The following PITPNA variants were observed in gnomAD, a reference collection of about 807,000 sequenced individuals.
PITPNA encodes phosphatidylinositol transfer protein alpha isoform.
Under a neutral mutation model 50.3 loss-of-function variants are expected in PITPNA, and 13 were observed. The observed-to-expected ratio is 0.26, with a 90% confidence interval of 0.17 to 0.41. The LOEUF is 0.41. Among genes scored for constraint, PITPNA ranks in the 10% least tolerant of loss-of-function variants. The probability of loss-of-function intolerance (pLI) is 1.00; values close to 1 mark genes in which losing one functional copy is unlikely to be tolerated. For missense variants in PITPNA, 207 were observed against 333.4 expected, an observed-to-expected ratio of 0.62 and a Z score of 2.95; for synonymous variants, 120 against 119.6, an observed-to-expected ratio of 1.00 and a Z score of -0.02.
At chr17:1,531,542 A>C (rs1052175199) in intron 10 of PITPNA, among the ~76,000 whole-genome samples, 14 of 152,078 alleles carry the variant, frequency 9.2e-5, no homozygotes, top group Non-Finnish European at 2.1e-4. Context: ...AAAAAAAATA[A>C]ATAAATAAGA....
chr17:1,538,834 C>T, intron 7 of PITPNA, 35 bp downstream of exon 7: 1 of 1,401,924 alleles, frequency 7.1e-7, no homozygotes, highest in Non-Finnish European at 1.0e-6. Flanking sequence ...ATTTCTGCGT[C>T]TCGAAGGCCA....
intron 10 of PITPNA, among the ~76,000 whole-genome samples, chr17:1,532,640 C>A (rs1179068910): frequency 6.6e-6 from 1 of 152,216 alleles, no homozygotes; most frequent in Non-Finnish European, 1.5e-5. Flanking sequence ...ATGAAAGTCT[C>A]CATGTTTCCT....
At chr17:1,560,270 AAGGACAGGGCCAC>A (rs1484407408) in intron 1 of PITPNA, among the ~76,000 whole-genome samples, 16 of 152,194 alleles carry the variant, frequency 1.1e-4, no homozygotes, top group African/African-American at 3.9e-4. Context: ...TACAATTCCA[AAGGACAGGGCCAC>A]AGAGGAACTG....
chr17:1,547,603 T>C (rs888504987), intron 4 of PITPNA, among the ~76,000 whole-genome samples: 5 of 152,048 alleles, frequency 3.3e-5, no homozygotes, highest in Non-Finnish European at 5.9e-5. Context: ...TGAGCCAAGA[T>C]TGTGCCATTG....
Position 1,520,118 on chromosome 17 carries a change from G to C in PITPNA, c.*443C>G, listed in dbSNP as rs11544976. The C allele has an allele frequency of 6.6e-6, 1 of 152,136 alleles. No homozygotes were observed. Among genetic ancestry groups the C allele is most frequent in the African/African-American group, 2.4e-5 (1 of 41,444 alleles). The allele number at this position is 152,136 out of a possible 1,614,324, so 9.4% of individuals were successfully genotyped here. A position where few individuals can be genotyped will look rare whatever the true frequency, so the allele number is the denominator to read the frequency against. ...TCCCCACAGGAGCACTCAAAATTGC[G>C]AAGATCTTCCCAGGAAGCAAAATAC... On this transcript the variant is annotated 3_prime_UTR_variant, in exon 12 of 12. Transcript: ENST00000313486.
Position 1,541,590 on chromosome 17 carries a change from T to G in PITPNA, c.348A>C (p.Lys116Asn). 5 of 1,613,482 alleles carry G rather than the reference T, an allele frequency of 3.1e-6. No homozygotes were observed. Among genetic ancestry groups the G allele is most frequent in the Non-Finnish European group, 4.2e-6 (5 of 1,179,498 alleles). The change falls in exon 6 of 12, where the codon AAA (lysine) becomes AAC (asparagine). Residue 116 changes from lysine to asparagine, a missense_variant. Lys to Asn is a moderately conservative substitution (Grantham distance 94). Transcript: ENST00000313486. Reference protein sequence around the residue: ...DFLIKIETWHKPDLGTQENVH... With the variant: ...DFLIKIETWHNPDLGTQENVH... ...CATTCTCCTGCGTGCCAAGATCTGG[T>G]TTGTGCCAGGTTTCAATTTTAATCA...
At chr17:1,528,053 TGGTGG>T (rs2075558589) in intron 10 of PITPNA, among the ~76,000 whole-genome samples, 2 of 152,130 alleles carry the variant, frequency 1.3e-5, no homozygotes, top group Non-Finnish European at 2.9e-5. Context: ...TAGGTAGGCG[TGGTGG>T]CCTGCACCTG....
intron 4 of PITPNA, among the ~76,000 whole-genome samples, chr17:1,548,010 TA>T (rs1243302483): frequency 6.6e-6 from 1 of 151,930 alleles, no homozygotes; most frequent in Non-Finnish European, 1.5e-5. Context: ...AATAAATAAA[TA>T]AATAAAAATG....
chr17:1,533,905 A>T (rs2075598985), intron 10 of PITPNA, among the ~76,000 whole-genome samples, 194 bp downstream of exon 10: 1 of 151,874 alleles, frequency 6.6e-6, no homozygotes, highest in Non-Finnish European at 1.5e-5. Flanking sequence ...ACTTCAACTC[A>T]ACTGTCAATT....
chr17:1,534,627 G>A lies in PITPNA; in HGVS notation c.646-406C>T, dbSNP rs145725419. On this transcript the variant is annotated intron_variant, in intron 9 of 11. Coordinates refer to ENST00000313486, the MANE Select transcript of PITPNA (RefSeq NM_006224.4). ...GGCCCAAGTGAGGCTCAAACATGTC[G>A]GAGGATTAAAAGGCTCTAAAACTCC... 1.5e-3 allele frequency among the ~76,000 whole-genome samples: 224 copies of A among 152,280 alleles called. 1 individual carries two copies. Among genetic ancestry groups the A allele is most frequent in the African/African-American group, 5.2e-3 (216 of 41,556 alleles).
At position 1,534,082 on chromosome 17, in the gene PITPNA, C is replaced by T. The variant is rs757417607; in HGVS notation, c.768+17G>A. ...CGTTTGTTTATCTAATTGAGAGCCC[C>T]CAGAGCCCCCACTTACTTCATCCAG... On this transcript the variant is annotated intron_variant, in intron 10 of 11. Transcript: ENST00000313486. 3 of 1,613,358 alleles carry T rather than the reference C, an allele frequency of 1.9e-6. No individual in the cohort carries two copies. The South Asian group carries it at 3.3e-5, about 18-fold the overall frequency.
At chr17:1,527,057 C>T (rs1264754304) in intron 10 of PITPNA, among the ~76,000 whole-genome samples, 2 of 151,936 alleles carry the variant, frequency 1.3e-5, no homozygotes, top group African/African-American at 4.8e-5. Flanking sequence ...CGCACCCAGC[C>T]CATTACTTCA....
chr17:1,556,433 A>G (rs1375559240), intron 2 of PITPNA, among the ~76,000 whole-genome samples: 1 of 152,154 alleles, frequency 6.6e-6, no homozygotes, highest in African/African-American at 2.4e-5. Context: ...TCAAGGTGGA[A>G]GTTCCCCTTT....
intron 10 of PITPNA, among the ~76,000 whole-genome samples, chr17:1,529,898 T>A (rs972579960): frequency 4.6e-5 from 7 of 152,310 alleles, no homozygotes; most frequent in Admixed American, 3.3e-4. Context: ...TAACATTTTT[T>A]AAGTGAATTC....
intron 1 of PITPNA, chr17:1,559,646 G>A (rs779918048): frequency 3.3e-5 from 11 of 338,090 alleles, no homozygotes; most frequent in African/African-American, 1.6e-4. Flanking sequence ...TTATGCAGCC[G>A]GCTCACCACT....
chr17:1,550,396 A>G (rs558547293), intron 3 of PITPNA, among the ~76,000 whole-genome samples: 1 of 152,314 alleles, frequency 6.6e-6, no homozygotes, highest in East Asian at 1.9e-4. Context: ...TGGGACAATG[A>G]GTGGGGCTAA....
chr17:1,533,612 G>A (rs898894314), intron 10 of PITPNA, among the ~76,000 whole-genome samples: 10 of 152,080 alleles, frequency 6.6e-5, no homozygotes, highest in African/African-American at 2.2e-4. Context: ...TGCGATCCAC[G>A]CCAAGACCAA....
At chr17:1,541,323 C>T (rs2075646777) in intron 6 of PITPNA, among the ~76,000 whole-genome samples, 1 of 152,146 alleles carries the variant, frequency 6.6e-6, no homozygotes, top group African/African-American at 2.4e-5. Context: ...ATATAGCTCC[C>T]ATGTACCAGG....
chr17:1,537,726 G>A (rs1317913360), intron 7 of PITPNA, among the ~76,000 whole-genome samples: 5 of 152,138 alleles, frequency 3.3e-5, no homozygotes, highest in African/African-American at 1.2e-4. Context: ...TTTTGAAGGT[G>A]GGGGTTGGGA....
Sources: gnomAD v4.1 joint callset for allele counts (sites outside exome capture counted in the v4.1 genomes callset) on GRCh38, gnomAD v4.1.1 for gene constraint, MANE v1.5 for transcripts, NCBI Gene and HGNC (gene_info 2026-07-23, HGNC 2026-07-21) for gene names.